Variants in FBXO41 observed in about 807,000 individuals in gnomAD.
FBXO41 encodes F-box only protein 41.
Under a neutral mutation model 81.6 loss-of-function variants are expected in FBXO41, and 33 were observed. The observed-to-expected ratio is 0.40, with a 90% CI of 0.31 to 0.54. The LOEUF (loss-of-function observed/expected upper bound fraction) is 0.54, where lower values mean the gene tolerates loss of function less well. Ranked by LOEUF, FBXO41 falls within the 20% of genes least tolerant of loss-of-function variation. FBXO41 has a pLI of 0.39. For missense variants in FBXO41, 1,107 were observed against 1,236.0 expected (o/e 0.90, Z 1.56); for synonymous variants, 576 against 552.7 (o/e 1.04, Z -0.59).
intron 2 of FBXO41, among the ~76,000 whole-genome samples, chr2:73,267,923 C>T (rs1370439598): frequency 6.6e-6 from 1 of 152,188 alleles, no homozygotes; most frequent in East Asian, 1.9e-4. Flanking sequence ...ACAGTTTCTA[C>T]TGACTGCATG....
chr2:73,267,604 G>A (rs1421230898), intron 2 of FBXO41, among the ~76,000 whole-genome samples: 2 of 152,236 alleles, frequency 1.3e-5, no homozygotes, highest in Non-Finnish European at 2.9e-5. Context: ...TGACAATGGG[G>A]ACACATAAAT....
At chr2:73,280,916 C>T (rs1269529872) in intron 1 of FBXO41, among the ~76,000 whole-genome samples, 4 of 152,184 alleles carry the variant, frequency 2.6e-5, no homozygotes, top group African/African-American at 9.7e-5. Flanking sequence ...CTTCATGTAA[C>T]CAAAGCAATT....
Position 73,260,575 on chromosome 2 carries a change from C to A in FBXO41, c.2291-28G>T. The A allele has an allele frequency of 1.3e-6, 2 of 1,567,008 alleles. No individual in the cohort carries two copies. The highest frequency in any genetic ancestry group is 1.7e-6 in the Non-Finnish European group (2 of 1,156,582). ...AGGAAGAGGAAGAAGGGGGATCCTGCTGACACACTCCCCAGGTCACCCCTG... is the reference window on the plus strand; with the variant it reads ...AGGAAGAGGAAGAAGGGGGATCCTGATGACACACTCCCCAGGTCACCCCTG... On this transcript the variant is annotated intron_variant, in intron 10 of 12. Coordinates refer to ENST00000520530, the MANE Select transcript of FBXO41 (RefSeq NM_001371389.2). This position sits in a 1 kb window ranked among gnomAD's most constrained non-coding sequence, Gnocchi z 5.0.
intron 1 of FBXO41, among the ~76,000 whole-genome samples, chr2:73,273,574 C>T (rs1218332874): frequency 6.6e-6 from 1 of 152,170 alleles, no homozygotes; most frequent in African/African-American, 2.4e-5. Flanking sequence ...GTAATGGACT[C>T]ATTTCTCAGT....
intron 5 of FBXO41, among the ~76,000 whole-genome samples, 193 bp downstream of exon 5, chr2:73,265,089 C>G (rs1225711961): frequency 6.6e-6 from 1 of 152,198 alleles, no homozygotes; most frequent in African/African-American, 2.4e-5. Context: ...GATGTGGCAT[C>G]CTTGTGCAAC....
At chr2:73,283,317 G>A (rs1166722232) in intron 1 of FBXO41, among the ~76,000 whole-genome samples, 1 of 152,180 alleles carries the variant, frequency 6.6e-6, no homozygotes, top group South Asian at 2.1e-4. Context: ...CTCCAGCCTG[G>A]CGAAGACCCT....
chr2:73,283,491 C>T lies in FBXO41; in HGVS notation c.-139+669G>A, dbSNP rs568035868. The stretch of plus-strand genomic sequence containing the variant: ...CCCATACCCAGAAAACCATCTGGGC[C>T]CCTCGCTGCAGAGAGACCTAAGGAG... On this transcript the variant is annotated intron_variant, in intron 1 of 12. Transcript: ENST00000520530. Among the ~76,000 whole-genome samples, 30 of 152,330 alleles carry T rather than the reference C, an allele frequency of 2.0e-4. 1 individual carries two copies. The highest frequency in any genetic ancestry group is 7.2e-4 in the African/African-American group (30 of 41,578).
chr2:73,265,415 G>T lies in FBXO41; in HGVS notation c.1431C>A (p.His477Gln). ...IQNWQRRPRRHSTEGEEGDVS... is the reference protein window; with the variant it reads ...IQNWQRRPRRQSTEGEEGDVS... Reference sequence around the variant, plus strand: ...CATCACCCTCTTCCCCCTCAGTGCTGTGTCGGCGGGGTCTGCGCTGCCAGT... The same window carrying T: ...CATCACCCTCTTCCCCCTCAGTGCTTTGTCGGCGGGGTCTGCGCTGCCAGT... The change falls in exon 5 of 13, where the codon CAC (histidine) becomes CAA (glutamine). Residue 477 changes from histidine to glutamine, a missense_variant. By Grantham distance (24) the His-to-Gln change is conservative. Around this residue, in one of 2 missense-constraint regions of FBXO41, gnomAD observed 771 missense variants for 789.2 expected, o/e 0.98. Coordinates refer to ENST00000520530, the MANE Select transcript of FBXO41 (RefSeq NM_001371389.2). 1.9e-6 allele frequency: 3 copies of T among 1,609,934 alleles called. No individual in the cohort carries two copies. The highest frequency in any genetic ancestry group is 2.5e-6 in the Non-Finnish European group (3 of 1,179,708).
rs1044704217 is a variant in FBXO41, at chr2:73,279,742, AGAG to A, written c.-139+4415_-139+4417del. On this transcript the variant is annotated intron_variant, in intron 1 of 12. Transcript: ENST00000520530. ...GTGAATACAAGAAGCTCAACTGTGA[AGAG>A]GAGGAGGCAGCATGGGAGAATCCAG... 2.6e-5 allele frequency among the ~76,000 whole-genome samples: 4 copies of A among 152,176 alleles called. 1 individual carries two copies. The highest frequency in any genetic ancestry group is 7.2e-5 in the African/African-American group (3 of 41,440).
At chr2:73,267,008 C>T (rs148740275) in intron 2 of FBXO41, among the ~76,000 whole-genome samples, 8 of 152,274 alleles carry the variant, frequency 5.3e-5, no homozygotes, top group African/African-American at 1.9e-4. Context: ...TACATACATC[C>T]CCACACACAT....
rs746489249 is a variant in FBXO41 at position 73,259,199 on chromosome 2, G to A, written c.2547C>T (p.Asp849=). The A allele has an allele frequency of 1.2e-6, 2 of 1,614,002 alleles. No individual in the cohort carries two copies. The highest frequency in any genetic ancestry group is 1.7e-6 in the Non-Finnish European group (2 of 1,179,876). Residue 849 remains aspartate, a synonymous_variant, in exon 12 of 13, where the codon GAC becomes GAT. Coordinates refer to ENST00000520530, the MANE Select transcript of FBXO41 (RefSeq NM_001371389.2). This position sits in a 1 kb window ranked among gnomAD's most constrained non-coding sequence, Gnocchi z 4.2. The part of the protein sequence containing the change: ...SSPEAQKLFE[D]MVTKLQALRR... The stretch of plus-strand genomic sequence containing the variant: ...CCCTCACCTGGAGTTTTGTCACCAT[G>A]TCCTCAAACAGCTTCTGGGCCTCAG...
Position 73,268,916 on chromosome 2 carries a change from C to T in FBXO41, c.715G>A (p.Ala239Thr). The change falls in exon 2 of 13, where the codon GCC becomes ACC. Residue 239 changes from alanine (A) to threonine (T), a missense_variant. Around this residue, in one of 2 missense-constraint regions of FBXO41, gnomAD observed 771 missense variants for 789.2 expected, o/e 0.98. Transcript: ENST00000520530. ...KIAGQVGRLQ[A>T]ELERKAAELE... ...TCGGCCGCCTTGCGCTCCAGCTCGG[C>T]CTGCAGCCGGCCCACCTGGCCCGCG... The T allele has an allele frequency of 1.9e-6, 3 of 1,543,412 alleles. No homozygotes were observed. The highest frequency in any genetic ancestry group is 2.6e-6 in the Non-Finnish European group (3 of 1,147,358).
At position 73,269,382 on chromosome 2, in the gene FBXO41, G is replaced by T; in HGVS notation, c.249C>A (p.Val83=). Residue 83 remains valine, a synonymous_variant, in exon 2 of 13, where the codon GTC becomes GTA. Coordinates refer to ENST00000520530, the MANE Select transcript of FBXO41 (RefSeq NM_001371389.2). The surrounding 1 kb of genome is among the most constrained non-coding windows in gnomAD (Gnocchi z 7.0). ...LLAVPGARRE[V]FESTSFQGKE... ...TGCCCTGGAAGGAAGTGCTCTCGAAGACCTCTCGCCGGGCGCCGGGCACGG... is the reference window on the plus strand; with the variant it reads ...TGCCCTGGAAGGAAGTGCTCTCGAATACCTCTCGCCGGGCGCCGGGCACGG... 6.7e-7 allele frequency: 1 copy of T among 1,493,374 alleles called. No homozygotes were observed. Among genetic ancestry groups the T allele is most frequent in the Non-Finnish European group, 8.9e-7 (1 of 1,125,518 alleles). 92.5% of individuals were successfully genotyped at this position (1,493,374 alleles called of 1,614,324 possible). A position where few individuals can be genotyped will look rare whatever the true frequency, so the allele number is the denominator to read the frequency against.
At chr2:73,267,814 CTA>C (rs1688322300) in intron 2 of FBXO41, among the ~76,000 whole-genome samples, 1 of 152,114 alleles carries the variant, frequency 6.6e-6, no homozygotes, top group African/African-American at 2.4e-5. Context: ...AACACAAAGT[CTA>C]TTTTATAAAA....
intron 1 of FBXO41, among the ~76,000 whole-genome samples, chr2:73,280,944 T>C (rs574912616): frequency 3.3e-5 from 5 of 152,354 alleles, no homozygotes; most frequent in African/African-American, 9.6e-5. Flanking sequence ...CTTGTTATCA[T>C]GGAACTGGAT....
Position 73,269,448 on chromosome 2 carries a change from G to GGCA in FBXO41, c.180_182dup (p.Ala61dup). 1 of 1,302,884 alleles carries GGCA rather than the reference G, an allele frequency of 7.7e-7. No homozygotes were observed. The allele number at this position is 1,302,884 out of a possible 1,614,324, so 80.7% of individuals were successfully genotyped here. ...GCTCGGGAGCCAGCGGGAACCCCGA[G>GGCA]GCAGCGGCGGCGGCGGCCGCGGCGG... On this transcript the variant is annotated inframe_insertion, in exon 2 of 13. Coordinates refer to ENST00000520530, the MANE Select transcript of FBXO41 (RefSeq NM_001371389.2). This position sits in a 1 kb window ranked among gnomAD's most constrained non-coding sequence, Gnocchi z 7.0.
At chr2:73,271,626 C>CCA (rs1553384740) in intron 1 of FBXO41, 1 of 145,360 alleles carries the variant, frequency 6.9e-6, no homozygotes, top group Non-Finnish European at 1.5e-5. Context: ...TCTGCACTCC[C>CCA]CCCCCCCCAA....
At chr2:73,272,432 A>G (rs920315805) in intron 1 of FBXO41, 1 of 152,284 alleles carries the variant, frequency 6.6e-6, no homozygotes, top group African/African-American at 2.4e-5. Flanking sequence ...AGTCAGCTCA[A>G]GCGAAGACAA....
rs1038806064 is a variant in FBXO41 at position 73,264,534 on chromosome 2, G to A, written c.1565-15C>T. 1.2e-6 allele frequency: 2 copies of A among 1,612,594 alleles called. No individual in the cohort carries two copies. The highest frequency in any genetic ancestry group is 1.7e-6 in the Non-Finnish European group (2 of 1,179,644). Reference sequence around the variant, plus strand: ...CTCGGGGCGGGCTGCAGAATACCAGGGGTTCAAAAGTGAGCGTGGAGGGTC... The same window carrying A: ...CTCGGGGCGGGCTGCAGAATACCAGAGGTTCAAAAGTGAGCGTGGAGGGTC... On this transcript the variant is annotated splice_polypyrimidine_tract_variant and intron_variant, in intron 5 of 12. Coordinates refer to ENST00000520530, the MANE Select transcript of FBXO41 (RefSeq NM_001371389.2).
Sources: allele counts gnomAD v4.1 joint callset (sites outside exome capture counted in the v4.1 genomes callset), GRCh38; gene constraint gnomAD v4.1.1; regional missense constraint gnomAD v4.1.1; non-coding constraint Gnocchi (gnomAD v3.1); transcripts MANE v1.5; gene names NCBI Gene and HGNC (gene_info 2026-07-23, HGNC 2026-07-21).